NR2C2: variants seen among roughly 807,000 people sequenced by gnomAD.
NR2C2 encodes the protein nuclear receptor subfamily 2 group C member 2, also known as Nuclear hormone receptor TR4.
NR2C2 carries 6 observed loss-of-function variants against 62.9 expected under a neutral mutation model. The ratio of observed to expected loss-of-function variants is 0.10; its 90% confidence interval spans 0.05 to 0.19. The LOEUF (loss-of-function observed/expected upper bound fraction) is 0.19. Among genes scored for constraint, NR2C2 ranks in the 10% least tolerant of loss-of-function variants. The pLI is 1.00. For missense variants in NR2C2, 479 were observed against 762.7 expected (o/e 0.63, Z 4.38); for synonymous variants, 272 against 273.8 (o/e 0.99, Z 0.07).
intron 11 of NR2C2, among the ~76,000 whole-genome samples, chr3:15,036,242 A>C (rs1373738488): frequency 6.6e-6 from 1 of 152,060 alleles, no homozygotes; most frequent in Admixed American, 6.6e-5. Context: ...CTGACCCCCT[A>C]GTCCAGGACA....
chr3:14,967,310 G>A (rs925510358), intron 1 of NR2C2, among the ~76,000 whole-genome samples: 1 of 150,850 alleles, frequency 6.6e-6, no homozygotes, highest in Non-Finnish European at 1.5e-5. Context: ...CCAGCTTTTT[G>A]GTTTAATGGA....
chr3:14,983,096 A>G (rs1559544610), intron 1 of NR2C2, among the ~76,000 whole-genome samples: 1 of 152,134 alleles, frequency 6.6e-6, no homozygotes, highest in Non-Finnish European at 1.5e-5. Context: ...AGCATTCATC[A>G]TTTCTTTGTG....
intron 2 of NR2C2, among the ~76,000 whole-genome samples, chr3:15,005,845 C>T (rs73145294): frequency 0.019 from 2,940 of 152,078 alleles, 91 homozygotes; most frequent in African/African-American, 0.067. Flanking sequence ...AGCTGACAAT[C>T]TGTCTTTTCA....
chr3:15,004,077 C>T (rs2041098679), intron 2 of NR2C2, 91 bp downstream of exon 2: 2 of 1,029,808 alleles, frequency 1.9e-6, no homozygotes, highest in African/African-American at 3.3e-5. Context: ...AAGAGTTGTG[C>T]CTTTTGGGCA....
intron 8 of NR2C2, among the ~76,000 whole-genome samples, chr3:15,029,868 GAGAA>G (rs1398383386): frequency 4.0e-5 from 6 of 150,086 alleles, no homozygotes; most frequent in East Asian, 1.9e-4. Flanking sequence ...CTCTGAAAGA[GAGAA>G]AGAAAAAGAG....
chr3:14,985,400 C>T (rs2040487385), intron 1 of NR2C2, among the ~76,000 whole-genome samples: 2 of 152,008 alleles, frequency 1.3e-5, no homozygotes, highest in South Asian at 4.1e-4. Flanking sequence ...TTTTATAGCT[C>T]TAGGTTTTAC....
chr3:14,952,337 T>A (rs1299546258), intron 1 of NR2C2, among the ~76,000 whole-genome samples: 1 of 152,248 alleles, frequency 6.6e-6, no homozygotes, highest in Non-Finnish European at 1.5e-5. Flanking sequence ...TGTGTCTAGC[T>A]GCCTGAGTGT....
rs761961721 is a variant in NR2C2, at chr3:15,028,754, G to T, written c.932+35G>T. ...CATGAGGATGGAGTCTCCCCTCCTC[G>T]CCTGGACACCCTCCCTCTATTGTGA... is the stretch of plus-strand genomic sequence containing the variant. On this transcript the variant is annotated intron_variant, in intron 8 of 13. Coordinates refer to ENST00000425241, the MANE Select transcript of NR2C2 (RefSeq NM_001291694.2). 1.9e-6 allele frequency: 3 copies of T among 1,602,098 alleles called. No homozygotes were observed. The South Asian group carries it at 3.3e-5, about 18-fold the overall frequency.
At chr3:15,015,301 C>T (rs1442144785) in intron 3 of NR2C2, among the ~76,000 whole-genome samples, 1 of 152,168 alleles carries the variant, frequency 6.6e-6, no homozygotes, top group East Asian at 1.9e-4. Context: ...CTATTTTTCA[C>T]TTTCTTATAT....
At chr3:15,022,151 A>G (rs1175550013) in intron 5 of NR2C2, among the ~76,000 whole-genome samples, 1 of 152,236 alleles carries the variant, frequency 6.6e-6, no homozygotes, top group African/African-American at 2.4e-5. Flanking sequence ...CCTGACCTTC[A>G]TCAGTTTTGT....
intron 2 of NR2C2, among the ~76,000 whole-genome samples, chr3:15,007,084 T>C (rs1271199644): frequency 1.4e-5 from 2 of 144,282 alleles, no homozygotes; most frequent in African/African-American, 2.6e-5. Context: ...AGCCCAAATC[T>C]CATCTTAAAT....
At chr3:15,027,877 T>C (rs1359251219) in intron 7 of NR2C2, among the ~76,000 whole-genome samples, 1 of 151,926 alleles carries the variant, frequency 6.6e-6, no homozygotes, top group African/African-American at 2.4e-5. Context: ...TTTTTCCTTT[T>C]TTTTTTTGAC....
intron 1 of NR2C2, among the ~76,000 whole-genome samples, chr3:14,999,787 C>T (rs914258051): frequency 1.2e-4 from 19 of 152,062 alleles, no homozygotes; most frequent in Admixed American, 5.9e-4. Context: ...ATTATCGTGG[C>T]ACCTTTATCA....
At chr3:14,963,773 C>A (rs577136082) in intron 1 of NR2C2, among the ~76,000 whole-genome samples, 7 of 152,214 alleles carry the variant, frequency 4.6e-5, no homozygotes, top group Admixed American at 3.9e-4. Context: ...AGGGCAAAGA[C>A]ACAAATTTAC....
intron 7 of NR2C2, among the ~76,000 whole-genome samples, chr3:15,025,026 C>G (rs1429847669): frequency 1.3e-5 from 2 of 152,222 alleles, no homozygotes; most frequent in Admixed American, 6.5e-5. Context: ...CCCTGCATGC[C>G]TTGGTCCTCA....
chr3:14,967,600 A>G (rs2039894919), intron 1 of NR2C2, among the ~76,000 whole-genome samples: 1 of 152,174 alleles, frequency 6.6e-6, no homozygotes, highest in South Asian at 2.1e-4. Flanking sequence ...AAGGTGGCAG[A>G]TGATAATTGG....
chr3:15,013,562 GA>G (rs769069895), intron 2 of NR2C2, 26 bp from the exon 3 acceptor site: 661 of 1,606,308 alleles, frequency 4.1e-4, no homozygotes, highest in Non-Finnish European at 4.4e-4. Context: ...CACTCCATGA[GA>G]GCAGCCTCCA....
At chr3:14,958,509 T>C (rs989824045) in intron 1 of NR2C2, among the ~76,000 whole-genome samples, 20 of 152,174 alleles carry the variant, frequency 1.3e-4, no homozygotes, top group Non-Finnish European at 2.4e-4. Context: ...AGAGCGAGTT[T>C]AGTGTTCTGT....
At chr3:15,022,660 C>T (rs1407247497) in intron 5 of NR2C2, among the ~76,000 whole-genome samples, 2 of 152,006 alleles carry the variant, frequency 1.3e-5, no homozygotes, top group African/African-American at 2.4e-5. Flanking sequence ...GGATTACAGA[C>T]GTGAGCCACC....
Sources: gnomAD v4.1 joint callset for allele counts (sites outside exome capture counted in the v4.1 genomes callset) on GRCh38, gnomAD v4.1.1 for gene constraint, MANE v1.5 for transcripts, NCBI Gene and HGNC (gene_info 2026-07-23, HGNC 2026-07-21) for gene names.